The following RP1 variants were observed in gnomAD, a reference collection of about 807,000 sequenced individuals.
RP1 encodes the protein RP1 axonemal microtubule associated.
In RP1, 16 loss-of-function variants were observed where a neutral mutation model predicts 14.8. That is an observed-to-expected ratio of 1.08 (90% CI 0.73 to 1.65). The LOEUF is 1.65. RP1 is among the 40% of genes most tolerant of loss of function. The probability of loss-of-function intolerance (pLI) is 0.00; values close to 1 mark genes in which losing one functional copy is unlikely to be tolerated. For missense variants in RP1, 2,631 were observed against 2,535.0 expected (o/e 1.04, Z -0.81); for synonymous variants, 876 against 883.6 (o/e 0.99, Z 0.15).
intron 24 of RP1, among the ~76,000 whole-genome samples, chr8:54,808,031 A>G (rs1415565816): frequency 6.6e-6 from 1 of 152,112 alleles, no homozygotes; most frequent in Non-Finnish European, 1.5e-5. Context: ...TTGACCAAGT[A>G]TTTGGGCCCC....
chr8:54,745,290 T>C (rs1809195169), intron 19 of RP1, among the ~76,000 whole-genome samples: 1 of 152,202 alleles, frequency 6.6e-6, no homozygotes, highest in African/African-American at 2.4e-5. Flanking sequence ...GATTTCTCCC[T>C]TTTCTCAGGT....
chr8:54,787,230 A>T (rs938158010), intron 24 of RP1, among the ~76,000 whole-genome samples: 2 of 152,130 alleles, frequency 1.3e-5, no homozygotes, highest in Admixed American at 6.6e-5. Context: ...TCAGGAAAAC[A>T]ATCAAGGCAA....
intron 24 of RP1, among the ~76,000 whole-genome samples, chr8:54,813,804 T>C (rs973782273): frequency 1.3e-5 from 2 of 152,222 alleles, no homozygotes; most frequent in Admixed American, 6.5e-5. Context: ...GTTTGCTGTT[T>C]CTATTTTTTG....
rs553910154 is a variant in RP1, at chr8:54,621,138, C to T, written c.172C>T (p.Arg58Cys). The T allele has an allele frequency of 3.2e-5, 51 of 1,614,178 alleles. No individual in the cohort carries two copies. The Admixed American group carries it at 4.0e-4, about 13-fold the overall frequency. The change falls in exon 2 of 4, where the codon CGC becomes TGC. Residue 58 changes from arginine to cysteine, a missense_variant. Physicochemically the swap from Arg to Cys is radical, Grantham distance 180. Transcript: ENST00000220676. ...CGGGGTCAGGGTGGTGGTCAACCCT[C>T]GCTCCTTTAAGTCCTTTGATGCTCT... Reference protein sequence around the residue: ...FGGVRVVVNPRSFKSFDALLD... With the variant: ...FGGVRVVVNPCSFKSFDALLD...
chr8:54,796,992 T>C (rs1459391732), intron 24 of RP1, among the ~76,000 whole-genome samples: 4 of 152,116 alleles, frequency 2.6e-5, no homozygotes, highest in South Asian at 4.1e-4. Context: ...TGAAGAGAAA[T>C]GGTGGTTCTG....
chr8:54,809,360 A>G lies in RP1; in HGVS notation c.3615+25650A>G, dbSNP rs10504171. ...CTGTGGGAGTTATGTATATGCTTCC[A>G]AAAGAGGCCAAATTCTCACAGGATA... On this transcript the variant is annotated intron_variant, in intron 24 of 28. Coordinates refer to the RP1 transcript ENST00000637698. Among the ~76,000 whole-genome samples the G allele has an allele frequency of 0.016, 2,395 of 152,308 alleles. 139 individuals carry two copies. In the East Asian group the frequency reaches 0.18, roughly 12 times the overall value.
chr8:54,843,391 T>G (rs1489536200), intron 25 of RP1, among the ~76,000 whole-genome samples: 1 of 152,092 alleles, frequency 6.6e-6, no homozygotes, highest in African/African-American at 2.4e-5. Flanking sequence ...CCAGAGGTAT[T>G]TCTTTTTCAA....
rs778523152 is a variant in RP1, at chr8:54,626,749, A to C, written c.2867A>C (p.Asp956Ala). 1.9e-6 allele frequency: 3 copies of C among 1,613,936 alleles called. No homozygotes were observed. Among genetic ancestry groups the C allele is most frequent in the Non-Finnish European group, 2.5e-6 (3 of 1,179,946 alleles). Residue 956 changes from aspartate to alanine, a missense_variant, in exon 4 of 4, where the codon GAT (aspartate) becomes GCT (alanine). Transcript: ENST00000220676. The stretch of plus-strand genomic sequence containing the variant: ...AGCAATAATAGTTTTTCAGGGAATG[A>C]TCCCCATACAAATTCTGGAAAAATA... ...NCSNNSFSGN[D>A]PHTNSGKISN...
At chr8:54,675,558 T>G (rs940379828) in intron 8 of RP1, among the ~76,000 whole-genome samples, 7 of 152,134 alleles carry the variant, frequency 4.6e-5, no homozygotes, top group African/African-American at 1.2e-4. Context: ...ACTCAGATAT[T>G]AGGCCAAAAA....
chr8:54,611,123 T>C (rs981218127), upstream of RP1, among the ~76,000 whole-genome samples: 2 of 152,214 alleles, frequency 1.3e-5, no homozygotes, highest in African/African-American at 4.8e-5. Context: ...AGAGGATCCC[T>C]TGTATCTGAT....
chr8:54,721,160 C>T (rs1808527096), intron 16 of RP1, among the ~76,000 whole-genome samples: 1 of 152,216 alleles, frequency 6.6e-6, no homozygotes, highest in Non-Finnish European at 1.5e-5. Flanking sequence ...TCCTGTTCTT[C>T]ACTCTATCTG....
downstream of RP1, among the ~76,000 whole-genome samples, chr8:54,634,410 A>G (rs1806308675): frequency 6.6e-6 from 1 of 152,252 alleles, no homozygotes; most frequent in African/African-American, 2.4e-5. Flanking sequence ...TTATATTTCT[A>G]TGGACAAGAA....
In RP1 at chr8:54,806,463, A is replaced by G. The variant is rs143270353; in HGVS notation, c.3615+22753A>G. Among the ~76,000 whole-genome samples the G allele has an allele frequency of 4.5e-3, 693 of 152,322 alleles. 21 individuals carry two copies. Among genetic ancestry groups the G allele is most frequent in the Admixed American group, 0.04 (613 of 15,290 alleles). ...CTCTTTACAAGGTTTCCCTGGCTAC[A>G]TCTTAGCAAAATGACATAACTGCTT... is the stretch of plus-strand genomic sequence containing the variant. On this transcript the variant is annotated intron_variant, in intron 24 of 28. Coordinates refer to the RP1 transcript ENST00000637698.
chr8:54,777,373 A>G (rs1810069821), intron 23 of RP1, among the ~76,000 whole-genome samples: 1 of 152,218 alleles, frequency 6.6e-6, no homozygotes, highest in African/African-American at 2.4e-5. Context: ...CACAGGAATA[A>G]CAAGAGATTC....
intron 6 of RP1, among the ~76,000 whole-genome samples, chr8:54,659,490 T>C (rs1221440382): frequency 1.3e-5 from 2 of 152,190 alleles, no homozygotes; most frequent in Non-Finnish European, 2.9e-5. Flanking sequence ...GACGAGACTG[T>C]CTTCCTCCTT....
At chr8:54,645,729 AT>A (rs1806532297) in intron 3 of RP1, among the ~76,000 whole-genome samples, 2 of 152,180 alleles carry the variant, frequency 1.3e-5, no homozygotes, top group Admixed American at 1.3e-4. Flanking sequence ...ACTATTCCAA[AT>A]GGTTTATATA....
intron 21 of RP1, among the ~76,000 whole-genome samples, chr8:54,758,107 C>A (rs917536694): frequency 2.0e-5 from 3 of 152,148 alleles, no homozygotes; most frequent in Non-Finnish European, 4.4e-5. Flanking sequence ...ACTAGAGTAA[C>A]ATTTTTTACC....
At position 54,627,906 on chromosome 8, in the gene RP1, A is replaced by G. The variant is rs1288558444; in HGVS notation, c.4024A>G (p.Ile1342Val). ...TYVPVNVCNT[I>V]DFLNSKENTY... Reference sequence around the variant, plus strand: ...CGTTCCTGTCAATGTCTGCAATACCATTGACTTTTTAAACTCCAAAGAAAA... The same window carrying G: ...CGTTCCTGTCAATGTCTGCAATACCGTTGACTTTTTAAACTCCAAAGAAAA... Residue 1342 changes from isoleucine to valine, a missense_variant, in exon 4 of 4, where the codon ATT becomes GTT. Physicochemically the swap from Ile to Val is conservative, Grantham distance 29. Transcript: ENST00000220676. 1.9e-6 allele frequency: 3 copies of G among 1,614,126 alleles called. No individual in the cohort carries two copies. Among genetic ancestry groups the G allele is most frequent in the Non-Finnish European group, 2.5e-6 (3 of 1,179,972 alleles).
chr8:54,731,310 T>C (rs1203827660), intron 17 of RP1, among the ~76,000 whole-genome samples: 1 of 152,190 alleles, frequency 6.6e-6, no homozygotes, highest in Non-Finnish European at 1.5e-5. Flanking sequence ...GGCATGTTTT[T>C]GAGTCATCTG....
Sources: allele counts gnomAD v4.1 joint callset (sites outside exome capture counted in the v4.1 genomes callset), GRCh38; gene constraint gnomAD v4.1.1; transcripts MANE v1.5; gene names NCBI Gene and HGNC (gene_info 2026-07-23, HGNC 2026-07-21).